Variants in MYOM3 observed in about 807,000 individuals in gnomAD.
The protein encoded by MYOM3 is myomesin 3.
A neutral mutation model predicts 191.7 loss-of-function variants in MYOM3; 155 were observed. The ratio of observed to expected loss-of-function variants is 0.81; its 90% CI spans 0.71 to 0.92. The LOEUF is 0.92. Ranked by LOEUF, MYOM3 falls within the 40% of genes least tolerant of loss-of-function variation. The pLI is 0.00. For synonymous variants in MYOM3, 757 were observed against 762.9 expected (o/e 0.99, Z 0.13); for missense variants, 1,889 against 1,890.6 (o/e 1.00, Z 0.02).
At chr1:24,076,373 C>T in intron 20 of MYOM3, 100 bp from the exon 21 acceptor site, 2 of 795,638 alleles carry the variant, frequency 2.5e-6, no homozygotes, top group Non-Finnish European at 4.4e-6. Context: ...AGAAAACCCT[C>T]TCCCTTCTTG....
At chr1:24,078,766 G>A (rs1643632636) in intron 20 of MYOM3, among the ~76,000 whole-genome samples, 1 of 152,156 alleles carries the variant, frequency 6.6e-6, no homozygotes, top group Non-Finnish European at 1.5e-5. Context: ...GCCTGTGAAA[G>A]TGGCCTTCAG....
intron 32 of MYOM3, among the ~76,000 whole-genome samples, chr1:24,062,500 G>C (rs1019990686): frequency 1.3e-5 from 2 of 152,156 alleles, no homozygotes; most frequent in Non-Finnish European, 2.9e-5. Flanking sequence ...TCTCCATAGA[G>C]TGGGTGCAGT....
chr1:24,091,073 T>C, intron 11 of MYOM3, 77 bp from the exon 12 acceptor site: 1 of 1,501,142 alleles, frequency 6.7e-7, no homozygotes, highest in Non-Finnish European at 9.1e-7. Flanking sequence ...ACAAGGGCCT[T>C]TCTCTGACTG....
intron 17 of MYOM3, 97 bp from the exon 18 acceptor site, chr1:24,082,285 G>T: frequency 1.8e-6 from 2 of 1,139,332 alleles, no homozygotes; most frequent in Non-Finnish European, 2.5e-6. Flanking sequence ...TCTAGTTGGT[G>T]CCTGCCCTAC....
At chr1:24,092,097 C>T (rs1412232605) in intron 11 of MYOM3, 77 bp downstream of exon 11, 1 of 1,312,520 alleles carries the variant, frequency 7.6e-7, no homozygotes, top group East Asian at 2.8e-5. Context: ...AGACATGGGG[C>T]CTCCTCTTTG....
chr1:24,092,101 C>T, intron 11 of MYOM3, 73 bp downstream of exon 11: 3 of 1,344,776 alleles, frequency 2.2e-6, no homozygotes, highest in Non-Finnish European at 2.9e-6. Context: ...ATGGGGCCTC[C>T]TCTTTGCTGT....
At chr1:24,066,081 C>A (rs1300890222) in intron 28 of MYOM3, 80 bp from the exon 29 acceptor site, 1 of 899,302 alleles carries the variant, frequency 1.1e-6, no homozygotes, top group Non-Finnish European at 1.9e-6. Context: ...CACTTTCAGG[C>A]ATCTCAGTGG....
rs757271250 is a variant in MYOM3, at chr1:24,086,739, T to C, written c.1703A>G (p.Lys568Arg). ...TCGCACTCTGAAGACATACGACTTC[T>C]TTTTCTCCAGGTCCAGAACGGCGAA... ...PRFAVLDLEK[K>R]KSYVFRVRAM... The change falls in exon 15 of 37, where the codon AAG (lysine) becomes AGG (arginine). Residue 568 changes from lysine (K) to arginine (R), a missense_variant. By Grantham distance (26) the Lys-to-Arg change is conservative. Coordinates refer to ENST00000374434, the MANE Select transcript of MYOM3 (RefSeq NM_152372.4). The C allele has an allele frequency of 3.1e-6, 5 of 1,614,142 alleles. No homozygotes were observed. Among genetic ancestry groups the C allele is most frequent in the African/African-American group, 1.3e-5 (1 of 75,044 alleles).
intron 7 of MYOM3, among the ~76,000 whole-genome samples, chr1:24,096,631 T>C (rs912319695): frequency 1.1e-4 from 16 of 152,134 alleles, no homozygotes; most frequent in African/African-American, 3.9e-4. Flanking sequence ...TTTAACAAGG[T>C]CTGATGAGAG....
intron 20 of MYOM3, among the ~76,000 whole-genome samples, chr1:24,077,938 C>T (rs760748059): frequency 2.0e-5 from 3 of 152,098 alleles, no homozygotes; most frequent in Non-Finnish European, 4.4e-5. Flanking sequence ...TCTGAGGTGG[C>T]CTTAATTTCA....
At chr1:24,074,293 G>T (rs368381357) in intron 22 of MYOM3, 24 bp from the exon 23 acceptor site, 12 of 1,578,846 alleles carry the variant, frequency 7.6e-6, no homozygotes, top group Non-Finnish European at 1.0e-5. Flanking sequence ...GAGAGCAGAG[G>T]CTCTGGGAGG....
chr1:24,090,299 G>A (rs1250938610), intron 12 of MYOM3, among the ~76,000 whole-genome samples, 181 bp from the exon 13 acceptor site: 1 of 152,184 alleles, frequency 6.6e-6, no homozygotes, highest in South Asian at 2.1e-4. Flanking sequence ...CCCAAGTGGA[G>A]CCCTGCTGCT....
rs1557621301 is a variant in MYOM3 at position 24,111,949 on chromosome 1, CAT to C, written c.-19+80_-19+81del. The C allele has an allele frequency of 2.0e-5, 3 of 152,094 alleles. No individual in the cohort carries two copies. Among genetic ancestry groups the C allele is most frequent in the South Asian group, 4.1e-4 (2 of 4,822 alleles). The allele number at this position is 152,094 out of a possible 1,614,324, so 9.4% of individuals were successfully genotyped here. On this transcript the variant is annotated intron_variant, in intron 1 of 36. Transcript: ENST00000374434. The surrounding 1 kb of genome is among the most constrained non-coding windows in gnomAD (Gnocchi z 4.7). ...ACACACACGTGCACACACACACACA[CAT>C]GCACCCACAGATATCACTCCCCAGT...
chr1:24,089,590 C>A lies in MYOM3; in HGVS notation c.1562G>T (p.Trp521Leu). 1 of 1,596,758 alleles carries A rather than the reference C, an allele frequency of 6.3e-7. No homozygotes were observed. The highest frequency in any genetic ancestry group is 1.1e-5 in the South Asian group (1 of 87,872). Residue 521 changes from tryptophan to leucine, a missense_variant, in exon 14 of 37, where the codon TGG (tryptophan) becomes TTG (leucine). Coordinates refer to ENST00000374434, the MANE Select transcript of MYOM3 (RefSeq NM_152372.4). Reference sequence around the variant, plus strand: ...TCTGTCCCGGGGGCTGGGCTCCTCCCAGGCCAGAACCACATAGGCCTCTCG... The same window carrying A: ...TCTGTCCCGGGGGCTGGGCTCCTCCAAGGCCAGAACCACATAGGCCTCTCG... ...EIREAYVVLA[W>L]EEPSPRDRAP...
In MYOM3 at chr1:24,099,543, T is replaced by C. The variant is rs191687189; in HGVS notation, c.656+137A>G. On this transcript the variant is annotated intron_variant, in intron 6 of 36. Coordinates refer to ENST00000374434, the MANE Select transcript of MYOM3 (RefSeq NM_152372.4). Reference sequence around the variant, plus strand: ...GGGTCTGTCCTGTCCCAGGAATCGGTATTTTGACCAGCACCCTAGAGACTT... The same window carrying C: ...GGGTCTGTCCTGTCCCAGGAATCGGCATTTTGACCAGCACCCTAGAGACTT... 23 of 649,994 alleles carry C rather than the reference T, an allele frequency of 3.5e-5. No homozygotes were observed. The Admixed American group carries it at 4.3e-4, about 12-fold the overall frequency. 40.3% of individuals were successfully genotyped at this position (649,994 alleles called of 1,614,324 possible). A position where few individuals can be genotyped will look rare whatever the true frequency, so the allele number is the denominator to read the frequency against.
At chr1:24,073,336 CAG>C (rs1429989891) in intron 23 of MYOM3, among the ~76,000 whole-genome samples, 1 of 152,174 alleles carries the variant, frequency 6.6e-6, no homozygotes, top group Non-Finnish European at 1.5e-5. Context: ...ACGGAGGTAG[CAG>C]AGTGTCTCAT....
In MYOM3 at chr1:24,082,504, G is replaced by A. The variant is rs1048502310; in HGVS notation, c.2092+89C>T. 7 of 1,467,596 alleles carry A rather than the reference G, an allele frequency of 4.8e-6. No individual in the cohort carries two copies. In the African/African-American group the frequency reaches 1.0e-4, roughly 21 times the overall value. The allele number at this position is 1,467,596 out of a possible 1,614,324, so 90.9% of individuals were successfully genotyped here. On this transcript the variant is annotated intron_variant, in intron 17 of 36. Transcript: ENST00000374434. Reference sequence around the variant, plus strand: ...AGGGCGTATGTGCCACTGGCCACCAGGACTGGGCCCTCCAAGATGTGATCT... The same window carrying A: ...AGGGCGTATGTGCCACTGGCCACCAAGACTGGGCCCTCCAAGATGTGATCT...
At chr1:24,084,299 C>G in intron 16 of MYOM3, 169 bp downstream of exon 16, 1 of 680,770 alleles carries the variant, frequency 1.5e-6, no homozygotes. Flanking sequence ...TCCCCCTCGC[C>G]TTCCGCCATA....
At chr1:24,090,668 C>T (rs1643807342) in intron 12 of MYOM3, 129 bp downstream of exon 12, 2 of 861,014 alleles carry the variant, frequency 2.3e-6, no homozygotes, top group Non-Finnish European at 3.7e-6. Flanking sequence ...CTAGTGTTTA[C>T]TGAGGGCTGG....
Sources: gnomAD v4.1 joint callset for allele counts (sites outside exome capture counted in the v4.1 genomes callset) on GRCh38, gnomAD v4.1.1 for gene constraint, Gnocchi (gnomAD v3.1) non-coding constraint, MANE v1.5 for transcripts, NCBI Gene and HGNC (gene_info 2026-07-23, HGNC 2026-07-21) for gene names.